The following FRMD4A variants were observed in gnomAD, a reference collection of about 807,000 sequenced individuals.
FRMD4A encodes FERM domain containing 4A.
A neutral mutation model predicts 129.1 loss-of-function variants in FRMD4A; 29 were observed. The observed-to-expected ratio is 0.22, with a 90% CI of 0.17 to 0.31. The LOEUF is 0.31. Ranked by LOEUF, FRMD4A falls within the 10% of genes least tolerant of loss-of-function variation. FRMD4A has a pLI of 1.00. For missense variants in FRMD4A, 1,272 were observed against 1,375.8 expected, an observed-to-expected ratio of 0.92 and a Z score of 1.19; for synonymous variants, 634 against 571.6, an observed-to-expected ratio of 1.11 and a Z score of -1.56.
At chr10:14,037,387 T>C (rs1833550270) in intron 2 of FRMD4A, among the ~76,000 whole-genome samples, 1 of 152,126 alleles carries the variant, frequency 6.6e-6, no homozygotes, top group African/African-American at 2.4e-5. Flanking sequence ...CCACCTAATT[T>C]TTGTATTTTT....
At chr10:13,915,780 C>T (rs922638493) in intron 2 of FRMD4A, among the ~76,000 whole-genome samples, 1 of 151,910 alleles carries the variant, frequency 6.6e-6, no homozygotes, top group Admixed American at 6.6e-5. Flanking sequence ...GGGTGAGTGT[C>T]CTCTCCCTGG....
chr10:13,665,639 G>A (rs529593084), intron 18 of FRMD4A, among the ~76,000 whole-genome samples: 4 of 152,280 alleles, frequency 2.6e-5, no homozygotes, highest in South Asian at 4.1e-4. Context: ...TGGGATAGGA[G>A]GCCCCTGGCA....
At chr10:13,930,550 G>A (rs993119372) in intron 2 of FRMD4A, among the ~76,000 whole-genome samples, 4 of 152,258 alleles carry the variant, frequency 2.6e-5, no homozygotes, top group Middle Eastern at 3.4e-3. Context: ...TTGTCCCTGT[G>A]GTGTTGAAAA....
intron 5 of FRMD4A, among the ~76,000 whole-genome samples, chr10:13,787,394 A>G (rs74868600): frequency 0.026 from 4,030 of 152,304 alleles, 107 homozygotes; most frequent in East Asian, 0.092. Flanking sequence ...CACCGGTGGC[A>G]CCAGGGACAA....
At chr10:13,820,175 G>A (rs563334428) in intron 3 of FRMD4A, among the ~76,000 whole-genome samples, 17 of 152,308 alleles carry the variant, frequency 1.1e-4, no homozygotes, top group African/African-American at 4.1e-4. Context: ...AGAAATTTGG[G>A]AGAGTGAGTT....
intron 2 of FRMD4A, among the ~76,000 whole-genome samples, chr10:13,964,265 A>G (rs965882270): frequency 5.9e-5 from 9 of 152,146 alleles, no homozygotes; most frequent in Non-Finnish European, 1.0e-4. Flanking sequence ...CAAACCAAAC[A>G]CAATCCCCCT....
chr10:14,304,171 A>G (rs920179236), intron 2 of FRMD4A, among the ~76,000 whole-genome samples: 7 of 152,194 alleles, frequency 4.6e-5, no homozygotes, highest in Non-Finnish European at 8.8e-5. Context: ...GCTGGATCGT[A>G]TGGTAATTCT....
Position 13,723,730 on chromosome 10 carries a change from G to A in FRMD4A, c.759+14114C>T, listed in dbSNP as rs557558613. Among the ~76,000 whole-genome samples the A allele has an allele frequency of 2.3e-4, 35 of 152,322 alleles. No individual in the cohort carries two copies. In the South Asian group the frequency reaches 4.4e-3, roughly 19 times the overall value. On this transcript the variant is annotated intron_variant, in intron 12 of 24. Transcript: ENST00000357447. ...TTAGAAATGTTCTTGAGAGGGAGAT[G>A]TTCTGTGAACTCTCTGCCACCCACA...
intron 2 of FRMD4A, among the ~76,000 whole-genome samples, chr10:13,924,241 C>G (rs538207214): frequency 9.2e-5 from 14 of 152,136 alleles, no homozygotes; most frequent in Non-Finnish European, 1.5e-4. Context: ...CTGAGTAATC[C>G]TTTAAAATCG....
chr10:14,035,328 C>T (rs1356031156), intron 2 of FRMD4A, among the ~76,000 whole-genome samples: 1 of 151,236 alleles, frequency 6.6e-6, no homozygotes, highest in East Asian at 1.9e-4. Context: ...GGGAGGACTG[C>T]ATGAATCCGT....
chr10:13,910,888 GAAAAAAAAAAAAAAAAAAAAA>G (rs141449954), intron 2 of FRMD4A, among the ~76,000 whole-genome samples: 100 of 83,070 alleles, frequency 1.2e-3, no homozygotes, highest in African/African-American at 4.8e-3. Context: ...GGAGTTTCAT[GAAAAAAAAAAAAAAAAAAAAA>G]AAAAAAAAAA....
chr10:14,303,133 C>G (rs116415384), intron 2 of FRMD4A, among the ~76,000 whole-genome samples: 2 of 152,330 alleles, frequency 1.3e-5, no homozygotes, highest in African/African-American at 4.8e-5. Context: ...TGCTCACATT[C>G]CATTTCAAGG....
intron 2 of FRMD4A, among the ~76,000 whole-genome samples, chr10:14,185,800 G>C (rs1283324371): frequency 6.6e-6 from 1 of 152,158 alleles, no homozygotes; most frequent in Non-Finnish European, 1.5e-5. Flanking sequence ...GACTAGTCCT[G>C]GGCGGAATAG....
At chr10:14,096,599 G>T (rs1437850090) in intron 2 of FRMD4A, among the ~76,000 whole-genome samples, 1 of 152,170 alleles carries the variant, frequency 6.6e-6, no homozygotes, top group African/African-American at 2.4e-5. Context: ...TCACCCCAAA[G>T]TTACAAAACA....
chr10:13,659,515 G>T (rs368161853), intron 20 of FRMD4A, 25 bp from the exon 21 acceptor site: 7 of 1,603,500 alleles, frequency 4.4e-6, no homozygotes, highest in African/African-American at 2.7e-5. Flanking sequence ...ATGCCACGTG[G>T]TCACCGCCAG....
chr10:14,162,591 C>G (rs1343419886), intron 2 of FRMD4A, among the ~76,000 whole-genome samples: 4 of 147,750 alleles, frequency 2.7e-5, no homozygotes, highest in African/African-American at 1.0e-4. Context: ...GTACCCCACT[C>G]TCATCCCAGC....
chr10:14,085,221 A>G (rs910894880), intron 2 of FRMD4A, among the ~76,000 whole-genome samples: 1 of 152,112 alleles, frequency 6.6e-6, no homozygotes, highest in Admixed American at 6.5e-5. Context: ...ATGTTTGGAG[A>G]TGAAGACGCA....
intron 2 of FRMD4A, among the ~76,000 whole-genome samples, chr10:14,274,344 A>C (rs1845266103): frequency 6.6e-6 from 1 of 152,198 alleles, no homozygotes; most frequent in Admixed American, 6.5e-5. Flanking sequence ...AGCTCTTCCT[A>C]TGCATGATAC....
chr10:14,193,136 T>C (rs1297265517), intron 2 of FRMD4A, among the ~76,000 whole-genome samples: 1 of 152,232 alleles, frequency 6.6e-6, no homozygotes, highest in Admixed American at 6.5e-5. Flanking sequence ...ATCATGATCT[T>C]GGGAAGAACA....
Sources: allele counts gnomAD v4.1 joint callset (sites outside exome capture counted in the v4.1 genomes callset), GRCh38; gene constraint gnomAD v4.1.1; transcripts MANE v1.5; gene names NCBI Gene and HGNC (gene_info 2026-07-23, HGNC 2026-07-21).